Variants in ADRA2B observed in about 807,000 individuals in gnomAD.
ADRA2B encodes adrenoceptor alpha 2B, also known as alpha-2B adrenergic receptor.
ADRA2B carries 14 observed loss-of-function variants against 14.4 expected under a neutral mutation model. The ratio of observed to expected loss-of-function variants is 0.97; its 90% CI spans 0.64 to 1.52. The LOEUF (loss-of-function observed/expected upper bound fraction) is 1.52. Among genes scored for constraint, ADRA2B ranks in the 40% most tolerant of loss-of-function variants. ADRA2B has a pLI of 0.00. For synonymous variants in ADRA2B, 250 were observed against 263.7 expected (o/e 0.95, Z 0.50); for missense variants, 606 against 603.2 (o/e 1.00, Z -0.05).
rs896965790 is a variant in ADRA2B at position 96,116,557 on chromosome 2, C to T, written c.-408G>A. Reference sequence around the variant, plus strand: ...AGCTCGCAGGCTTTCGCCCCAGCCGCGCCTGCAGGGGAGTGGGGAGCGGGG... The same window carrying T: ...AGCTCGCAGGCTTTCGCCCCAGCCGTGCCTGCAGGGGAGTGGGGAGCGGGG... On this transcript the variant is annotated 5_prime_UTR_variant, in exon 1 of 1. Transcript: ENST00000620793. Among the ~76,000 whole-genome samples the T allele has an allele frequency of 6.6e-6, 1 of 152,088 alleles. No individual in the cohort carries two copies. The highest frequency in any genetic ancestry group is 1.5e-5 in the Non-Finnish European group (1 of 67,986).
Position 96,115,530 on chromosome 2 carries a change from G to T in ADRA2B, c.620C>A (p.Pro207His). Residue 207 changes from proline to histidine, a missense_variant, in exon 1 of 1, where the codon CCC becomes CAC. Coordinates refer to ENST00000620793, the MANE Select transcript of ADRA2B (RefSeq NM_000682.7). ...CTGCCCAGGCCCCCCCTTGGCCCTG[G>T]GACCTCTGCGGTTGCTGCGTTTGGC... ...LIAKRSNRRG[P>H]RAKGGPGQGE... The T allele has an allele frequency of 6.2e-7, 1 of 1,613,816 alleles. No homozygotes were observed. The highest frequency in any genetic ancestry group is 8.5e-7 in the Non-Finnish European group (1 of 1,179,874).
At position 96,113,577 on chromosome 2, in the gene ADRA2B, C is replaced by T. The variant is rs1225765392; in HGVS notation, c.*1220G>A. ...GGCGCTGCCACCTGTCACAGGCTCT[C>T]ATCTTAGACTGTTGCCGAGGTGTGG... On this transcript the variant is annotated 3_prime_UTR_variant, in exon 1 of 1. Transcript: ENST00000620793. 1 of 164,780 alleles carries T rather than the reference C, an allele frequency of 6.1e-6. No individual in the cohort carries two copies. Among genetic ancestry groups the T allele is most frequent in the Non-Finnish European group, 1.3e-5 (1 of 76,824 alleles). The allele number at this position is 164,780 out of a possible 1,614,324, so 10.2% of individuals were successfully genotyped here.
In ADRA2B at chr2:96,115,668, C is replaced by A. The variant is rs1681854464; in HGVS notation, c.482G>T (p.Arg161Leu). The change falls in exon 1 of 1, where the codon CGC becomes CTC. Residue 161 changes from arginine (R) to leucine (L), a missense_variant. Coordinates refer to ENST00000620793, the MANE Select transcript of ADRA2B (RefSeq NM_000682.7). Reference protein sequence around the residue: ...KGDQGPQPRGRPQCKLNQEAW... With the variant: ...KGDQGPQPRGLPQCKLNQEAW... Reference sequence around the variant, plus strand: ...CTCCTGGTTGAGCTTGCACTGGGGGCGCCCGCGCGGCTGGGGGCCCTGGTC... The same window carrying A: ...CTCCTGGTTGAGCTTGCACTGGGGGAGCCCGCGCGGCTGGGGGCCCTGGTC... The A allele has an allele frequency of 1.5e-5, 24 of 1,613,626 alleles. No homozygotes were observed. The highest frequency in any genetic ancestry group is 1.8e-5 in the Non-Finnish European group (21 of 1,179,868).
Position 96,116,437 on chromosome 2 carries a change from C to T in ADRA2B, c.-288G>A, listed in dbSNP as rs946338717. On this transcript the variant is annotated 5_prime_UTR_variant, in exon 1 of 1. Transcript: ENST00000620793. ...CGTCCCGCCCGGGACCGGAGAAAGT[C>T]GCGCCCTCCCGCCACGCGGATGCCG... is the stretch of plus-strand genomic sequence containing the variant. Among the ~76,000 whole-genome samples, 6 of 152,250 alleles carry T rather than the reference C, an allele frequency of 3.9e-5. No homozygotes were observed. The highest frequency in any genetic ancestry group is 7.3e-5 in the Non-Finnish European group (5 of 68,038).
chr2:96,115,645 C>G lies in ADRA2B; in HGVS notation c.505G>C (p.Glu169Gln). 1 of 1,613,810 alleles carries G rather than the reference C, an allele frequency of 6.2e-7. No individual in the cohort carries two copies. The highest frequency in any genetic ancestry group is 8.5e-7 in the Non-Finnish European group (1 of 1,179,880). The part of the protein sequence containing the change: ...RGRPQCKLNQ[E>Q]AWYILASSIG... Reference sequence around the variant, plus strand: ...CTGGAGGCCAGGATGTACCAGGCCTCCTGGTTGAGCTTGCACTGGGGGCGC... The same window carrying G: ...CTGGAGGCCAGGATGTACCAGGCCTGCTGGTTGAGCTTGCACTGGGGGCGC... Residue 169 changes from glutamate (E) to glutamine (Q), a missense_variant, in exon 1 of 1, where the codon GAG (glutamate) becomes CAG (glutamine). Transcript: ENST00000620793.
rs11464083 is a variant in ADRA2B, at chr2:96,112,917, T to TAAA, written c.*1877_*1879dup. The TAAA allele has an allele frequency of 3.3e-4, 115 of 346,482 alleles. No individual in the cohort carries two copies. Among genetic ancestry groups the TAAA allele is most frequent in the East Asian group, 5.8e-4 (14 of 24,170 alleles). 21.5% of individuals were successfully genotyped at this position (346,482 alleles called of 1,614,324 possible). ...TTTATTGATAAAATAGCTCAGAGTTTAAAAAAAAAAAAAACACCACCTGCA... is the reference window on the plus strand; with the variant it reads ...TTTATTGATAAAATAGCTCAGAGTTTAAAAAAAAAAAAAAAAACACCACCTGCA... On this transcript the variant is annotated 3_prime_UTR_variant, in exon 1 of 1. Coordinates refer to ENST00000620793, the MANE Select transcript of ADRA2B (RefSeq NM_000682.7).
At position 96,116,071 on chromosome 2, in the gene ADRA2B, T is replaced by C; in HGVS notation, c.79A>G (p.Ile27Val). The change falls in exon 1 of 1, where the codon ATC becomes GTC. Residue 27 changes from isoleucine to valine, a missense_variant. Transcript: ENST00000620793. The part of the protein sequence containing the change: ...AAITFLILFT[I>V]FGNALVILAV... ...AGGATGACCAGAGCGTTGCCGAAGA[T>C]GGTAAAGAGAATGAGGAAGGTGATG... The C allele has an allele frequency of 3.7e-6, 6 of 1,612,588 alleles. No individual in the cohort carries two copies. In the Middle Eastern group the frequency reaches 6.6e-4, roughly 177 times the overall value.
rs1294675647 is a variant in ADRA2B at position 96,114,143 on chromosome 2, G to T, written c.*654C>A. 1 of 985,758 alleles carries T rather than the reference G, an allele frequency of 1.0e-6. No homozygotes were observed. The highest frequency in any genetic ancestry group is 1.2e-6 in the Non-Finnish European group (1 of 829,976). 61.1% of individuals were successfully genotyped at this position (985,758 alleles called of 1,614,324 possible). On this transcript the variant is annotated 3_prime_UTR_variant, in exon 1 of 1. Coordinates refer to ENST00000620793, the MANE Select transcript of ADRA2B (RefSeq NM_000682.7). Reference sequence around the variant, plus strand: ...ACGTGGCCACCCACCTACCGGAGGGGTGCTGGGTAAGGAAGCCGATCCATT... The same window carrying T: ...ACGTGGCCACCCACCTACCGGAGGGTTGCTGGGTAAGGAAGCCGATCCATT...
Position 96,114,334 on chromosome 2 carries a change from C to T in ADRA2B, c.*463G>A, listed in dbSNP as rs29000571. 5,783 of 995,364 alleles carry T rather than the reference C, an allele frequency of 5.8e-3. 274 individuals carry two copies. In the African/African-American group the frequency reaches 0.094, roughly 16 times the overall value. 61.7% of individuals were successfully genotyped at this position (995,364 alleles called of 1,614,324 possible). A position where few individuals can be genotyped will look rare whatever the true frequency, so the allele number is the denominator to read the frequency against. Reference sequence around the variant, plus strand: ...TTCTTCCTCCCCCTCAGCAGCAGGCCCCACTGGGAAAAGTGGAAGGCTGGC... The same window carrying T: ...TTCTTCCTCCCCCTCAGCAGCAGGCTCCACTGGGAAAAGTGGAAGGCTGGC... On this transcript the variant is annotated 3_prime_UTR_variant, in exon 1 of 1. Transcript: ENST00000620793.
chr2:96,114,884 G>A lies in ADRA2B; in HGVS notation c.1266C>T (p.Asn422=), dbSNP rs201182537. The part of the protein sequence containing the change: ...FWIGYCNSSL[N]PVIYTIFNQD... ...GGTTGAAGATGGTGTAGATAACAGGGTTCAGTGAGCTGTTGCAGTAGCCGA... is the reference window on the plus strand; with the variant it reads ...GGTTGAAGATGGTGTAGATAACAGGATTCAGTGAGCTGTTGCAGTAGCCGA... The change falls in exon 1 of 1, where the codon AAC becomes AAT. Residue 422 remains asparagine (N), a synonymous_variant. Coordinates refer to ENST00000620793, the MANE Select transcript of ADRA2B (RefSeq NM_000682.7). 1,303 of 1,613,888 alleles carry A rather than the reference G, an allele frequency of 8.1e-4. No individual in the cohort carries two copies. Among genetic ancestry groups the A allele is most frequent in the Non-Finnish European group, 1.0e-3 (1,179 of 1,179,992 alleles).
chr2:96,115,934 G>C lies in ADRA2B; in HGVS notation c.216C>G (p.Asn72Lys), dbSNP rs535600407. 1.9e-6 allele frequency: 3 copies of C among 1,613,698 alleles called. No individual in the cohort carries two copies. Among genetic ancestry groups the C allele is most frequent in the South Asian group, 2.2e-5 (2 of 91,064 alleles). Reference sequence around the variant, plus strand: ...GGAAGTACCAGTAGCCCAGCAGCTCGTTGGCCAGCGAGAAAGGGATGATGA... The same window carrying C: ...GGAAGTACCAGTAGCCCAGCAGCTCCTTGGCCAGCGAGAAAGGGATGATGA... Reference protein sequence around the residue: ...ATLIIPFSLANELLGYWYFRR... With the variant: ...ATLIIPFSLAKELLGYWYFRR... The change falls in exon 1 of 1, where the codon AAC (asparagine) becomes AAG (lysine). Residue 72 changes from asparagine to lysine, a missense_variant. Coordinates refer to ENST00000620793, the MANE Select transcript of ADRA2B (RefSeq NM_000682.7).
rs1001121437 is a variant in ADRA2B, at chr2:96,114,160, C to T, written c.*637G>A. 8.1e-6 allele frequency: 8 copies of T among 985,586 alleles called. No individual in the cohort carries two copies. The highest frequency in any genetic ancestry group is 3.5e-5 in the African/African-American group (2 of 57,210). 61.1% of individuals were successfully genotyped at this position (985,586 alleles called of 1,614,324 possible). ...CCGGAGGGGTGCTGGGTAAGGAAGC[C>T]GATCCATTGTTCTGGCTTTCAAAGG... On this transcript the variant is annotated 3_prime_UTR_variant, in exon 1 of 1. Transcript: ENST00000620793.
rs765425973 is a variant in ADRA2B at position 96,114,856 on chromosome 2, C to T, written c.1294G>A (p.Asp432Asn). ...ATCCTCCGGAAGGCACGGCGGAAGT[C>T]CTGGTTGAAGATGGTGTAGATAACA... Reference protein sequence around the residue: ...NPVIYTIFNQDFRRAFRRILC... With the variant: ...NPVIYTIFNQNFRRAFRRILC... Residue 432 changes from aspartate (D) to asparagine (N), a missense_variant, in exon 1 of 1, where the codon GAC (aspartate) becomes AAC (asparagine). Asp to Asn is a conservative substitution (Grantham distance 23). Transcript: ENST00000620793. The T allele has an allele frequency of 6.2e-7, 1 of 1,613,820 alleles. No homozygotes were observed. Among genetic ancestry groups the T allele is most frequent in the Non-Finnish European group, 8.5e-7 (1 of 1,179,992 alleles).
Position 96,114,259 on chromosome 2 carries a change from C to T in ADRA2B, c.*538G>A, listed in dbSNP as rs1681812178. ...GATGCCACCCCATAAGCCCCCATCC[C>T]AGCGCCTGCCAGGGACCGCGAGTGC... is the stretch of plus-strand genomic sequence containing the variant. On this transcript the variant is annotated 3_prime_UTR_variant, in exon 1 of 1. Coordinates refer to ENST00000620793, the MANE Select transcript of ADRA2B (RefSeq NM_000682.7). 6 of 988,642 alleles carry T rather than the reference C, an allele frequency of 6.1e-6. No homozygotes were observed. Among genetic ancestry groups the T allele is most frequent in the Non-Finnish European group, 7.2e-6 (6 of 831,830 alleles). 61.2% of individuals were successfully genotyped at this position (988,642 alleles called of 1,614,324 possible).
rs1414208901 is a variant in ADRA2B at position 96,115,648 on chromosome 2, G to A, written c.502C>T (p.Gln168Ter). The A allele has an allele frequency of 1.9e-6, 3 of 1,613,828 alleles. No individual in the cohort carries two copies. The highest frequency in any genetic ancestry group is 3.3e-5 in the Admixed American group (2 of 60,034). The change falls in exon 1 of 1, where the codon CAG becomes TAG. Residue 168 changes from glutamine to a stop codon, truncating the protein, a stop_gained. Transcript: ENST00000620793. LOFTEE classifies it low-confidence loss of function (END_TRUNC). ...GAGGCCAGGATGTACCAGGCCTCCTGGTTGAGCTTGCACTGGGGGCGCCCG... is the reference window on the plus strand; with the variant it reads ...GAGGCCAGGATGTACCAGGCCTCCTAGTTGAGCTTGCACTGGGGGCGCCCG... ...PRGRPQCKLN[Q>*]EAWYILASSI...
Position 96,115,775 on chromosome 2 carries a change from G to C in ADRA2B, c.375C>G (p.Thr125=), listed in dbSNP as rs547122702. 2.5e-6 allele frequency: 4 copies of C among 1,612,858 alleles called. No homozygotes were observed. Among genetic ancestry groups the C allele is most frequent in the African/African-American group, 2.7e-5 (2 of 74,926 alleles). Residue 125 remains threonine, a synonymous_variant, in exon 1 of 1, where the codon ACC becomes ACG. Transcript: ENST00000620793. ...SRALEYNSKR[T]PRRIKCIILT... ...GGATGATGCACTTGATGCGGCGCGGGGTGCGCTTGGAGTTGTACTCCAGCG... is the reference window on the plus strand; with the variant it reads ...GGATGATGCACTTGATGCGGCGCGGCGTGCGCTTGGAGTTGTACTCCAGCG...
chr2:96,114,031 G>A lies in ADRA2B; in HGVS notation c.*766C>T, dbSNP rs13306149. On this transcript the variant is annotated 3_prime_UTR_variant, in exon 1 of 1. Coordinates refer to ENST00000620793, the MANE Select transcript of ADRA2B (RefSeq NM_000682.7). ...GTAGGCAGTGAGCTATTGTCGCCCC[G>A]ATTTTTGCAGGGGGTGAATGCCAGT... The A allele has an allele frequency of 4.2e-5, 41 of 985,840 alleles. No individual in the cohort carries two copies. The East Asian group carries it at 2.8e-3, about 68-fold the overall frequency. 61.1% of individuals were successfully genotyped at this position (985,840 alleles called of 1,614,324 possible).
In ADRA2B at chr2:96,115,332, C is replaced by G; in HGVS notation, c.818G>C (p.Ser273Thr). The G allele has an allele frequency of 1.2e-6, 2 of 1,601,202 alleles. No homozygotes were observed. The stretch of plus-strand genomic sequence containing the variant: ...GCCTGAGTTGGGAAGGGCAGCCCAA[C>G]TGGGTGGCAAGGCCCGGGTCCCAGT... ...EDTGTRALPP[S>T]WAALPNSGQG... Residue 273 changes from serine to threonine, a missense_variant, in exon 1 of 1, where the codon AGT becomes ACT. Coordinates refer to ENST00000620793, the MANE Select transcript of ADRA2B (RefSeq NM_000682.7).
chr2:96,115,691 G>A lies in ADRA2B; in HGVS notation c.459C>T (p.Asp153=). The A allele has an allele frequency of 3.7e-6, 6 of 1,613,598 alleles. No individual in the cohort carries two copies. Among genetic ancestry groups the A allele is most frequent in the Non-Finnish European group, 5.1e-6 (6 of 1,179,832 alleles). The part of the protein sequence containing the change: ...ISLPPLIYKG[D]QGPQPRGRPQ... ...GGCGCCCGCGCGGCTGGGGGCCCTG[G>A]TCGCCCTTGTAGATGAGGGGCGGCA... The change falls in exon 1 of 1, where the codon GAC becomes GAT. Residue 153 remains aspartate (D), a synonymous_variant. Transcript: ENST00000620793.
Sources: gnomAD v4.1 joint callset for allele counts (sites outside exome capture counted in the v4.1 genomes callset) on GRCh38, gnomAD v4.1.1 for gene constraint, MANE v1.5 for transcripts, NCBI Gene and HGNC (gene_info 2026-07-23, HGNC 2026-07-21) for gene names.